The following ALK variants were observed in gnomAD, a reference collection of about 807,000 sequenced individuals.
The protein encoded by ALK is ALK tyrosine kinase receptor.
In ALK, 74 loss-of-function variants were observed where a neutral mutation model predicts 163.1. The observed-to-expected ratio is 0.45, with a 90% CI of 0.38 to 0.55. The LOEUF (loss-of-function observed/expected upper bound fraction) is 0.55, where lower values mean the gene tolerates loss of function less well. Ranked by LOEUF, ALK falls within the 20% of genes least tolerant of loss-of-function variation. The probability of loss-of-function intolerance (pLI) is 0.00; values close to 1 mark genes in which losing one functional copy is unlikely to be tolerated. For missense variants in ALK, 2,063 were observed against 2,105.3 expected (o/e 0.98, Z 0.39); for synonymous variants, 960 against 843.2 (o/e 1.14, Z -2.40).
chr2:29,250,223 G>A (rs1475204642), intron 12 of ALK, among the ~76,000 whole-genome samples: 2 of 152,218 alleles, frequency 1.3e-5, no homozygotes, highest in Non-Finnish European at 2.9e-5. Flanking sequence ...CCCTGCCCCA[G>A]AACTCTGGAG....
intron 1 of ALK, among the ~76,000 whole-genome samples, chr2:29,839,623 C>G (rs1306761024): frequency 6.6e-6 from 1 of 152,170 alleles, no homozygotes; most frequent in Non-Finnish European, 1.5e-5. Flanking sequence ...CAGCCCTTGG[C>G]ACATTCTCTC....
At chr2:29,524,827 A>G (rs373083682) in intron 4 of ALK, among the ~76,000 whole-genome samples, 2 of 150,756 alleles carry the variant, frequency 1.3e-5, no homozygotes, top group South Asian at 2.1e-4. Context: ...TGGATGGATG[A>G]ATGGATGGAT....
intron 4 of ALK, among the ~76,000 whole-genome samples, chr2:29,408,081 C>CT (rs760683752): frequency 0.015 from 2,121 of 140,828 alleles, 98 homozygotes; most frequent in African/African-American, 0.053. Flanking sequence ...AGGGAAAGTT[C>CT]TTTTTCTTTT....
intron 4 of ALK, among the ~76,000 whole-genome samples, chr2:29,392,740 T>C (rs1669205969): frequency 6.6e-6 from 1 of 152,188 alleles, no homozygotes; most frequent in Admixed American, 6.5e-5. Flanking sequence ...ACCACAGTTG[T>C]AAGAAAAACA....
intron 1 of ALK, among the ~76,000 whole-genome samples, chr2:29,904,519 A>G (rs1029112207): frequency 6.6e-6 from 1 of 152,192 alleles, no homozygotes; most frequent in Admixed American, 6.5e-5. Context: ...AACAACATCA[A>G]TAATAATAAA....
At chr2:29,736,533 T>C (rs940770109) in intron 1 of ALK, among the ~76,000 whole-genome samples, 1 of 152,036 alleles carries the variant, frequency 6.6e-6, no homozygotes, top group Non-Finnish European at 1.5e-5. Flanking sequence ...ACAAGTTTAA[T>C]AAAAATAATG....
chr2:29,468,503 C>G (rs1431239506), intron 4 of ALK, among the ~76,000 whole-genome samples: 1 of 152,074 alleles, frequency 6.6e-6, no homozygotes, highest in African/African-American at 2.4e-5. Flanking sequence ...ATAATAAGTT[C>G]ATGAACATAC....
At chr2:29,516,485 G>A (rs1573420428) in intron 4 of ALK, among the ~76,000 whole-genome samples, 1 of 152,154 alleles carries the variant, frequency 6.6e-6, no homozygotes, top group Non-Finnish European at 1.5e-5. Flanking sequence ...TCGGGGAGAT[G>A]GTCTCTTCTC....
chr2:29,784,713 A>AAACAACAACAACAAAAAC (rs1553361850), intron 1 of ALK, among the ~76,000 whole-genome samples: 2 of 150,740 alleles, frequency 1.3e-5, no homozygotes, highest in African/African-American at 4.9e-5. Flanking sequence ...ACAACAACAA[A>AAACAACAACAACAAAAAC]AACAACAACA....
At chr2:29,554,762 T>C (rs1673803173) in intron 3 of ALK, among the ~76,000 whole-genome samples, 1 of 152,172 alleles carries the variant, frequency 6.6e-6, no homozygotes, top group South Asian at 2.1e-4. Context: ...AGGCATTCTA[T>C]GCCACAGGAT....
intron 3 of ALK, among the ~76,000 whole-genome samples, chr2:29,648,065 T>C (rs1470984603): frequency 1.3e-5 from 2 of 152,162 alleles, no homozygotes; most frequent in African/African-American, 2.4e-5. Context: ...CTTTACCCAA[T>C]GTGTTCAACC....
At chr2:29,238,796 T>TG (rs1664446190) in intron 13 of ALK, among the ~76,000 whole-genome samples, 1 of 152,144 alleles carries the variant, frequency 6.6e-6, no homozygotes, top group African/African-American at 2.4e-5. Flanking sequence ...GTTTGAGAGC[T>TG]AGTAGATTGA....
chr2:29,827,437 T>G (rs901527313), intron 1 of ALK, among the ~76,000 whole-genome samples: 6 of 152,242 alleles, frequency 3.9e-5, no homozygotes, highest in African/African-American at 1.4e-4. Flanking sequence ...CTTCTCTGCT[T>G]CTGAGCTTCT....
chr2:29,825,735 G>A (rs551044144), intron 1 of ALK, among the ~76,000 whole-genome samples: 3 of 151,628 alleles, frequency 2.0e-5, no homozygotes, highest in Non-Finnish European at 2.9e-5. Context: ...AAATCGTTGT[G>A]TACCAAAGAT....
intron 5 of ALK, among the ~76,000 whole-genome samples, chr2:29,359,501 T>C (rs1668339070): frequency 6.6e-6 from 1 of 152,210 alleles, no homozygotes; most frequent in Non-Finnish European, 1.5e-5. Context: ...TTCTTAAGAC[T>C]GGGCCAAGTC....
At chr2:29,726,863 T>C (rs1463396590) in intron 1 of ALK, among the ~76,000 whole-genome samples, 6 of 152,180 alleles carry the variant, frequency 3.9e-5, no homozygotes, top group African/African-American at 1.4e-4. Context: ...AAAGCACAAA[T>C]GCCCAAGGTC....
chr2:29,750,763 GA>G (rs1244308749), intron 1 of ALK, among the ~76,000 whole-genome samples: 1 of 151,502 alleles, frequency 6.6e-6, no homozygotes, highest in Non-Finnish European at 1.5e-5. Flanking sequence ...GAGAGAAAGA[GA>G]AAGAAAGAGA....
At chr2:29,207,323 C>G (rs2148152410) in intron 25 of ALK, 51 bp from the exon 26 acceptor site, 2 of 1,403,472 alleles carry the variant, frequency 1.4e-6, no homozygotes, top group Non-Finnish European at 2.0e-6. Context: ...TGGCATTAAG[C>G]ATCTGCCCTG....
chr2:29,574,369 G>A (rs1315644331), intron 3 of ALK, among the ~76,000 whole-genome samples: 1 of 152,234 alleles, frequency 6.6e-6, no homozygotes, highest in Non-Finnish European at 1.5e-5. Context: ...ACATGAGGGG[G>A]TTAAGTATCA....
Sources: allele counts gnomAD v4.1 joint callset (sites outside exome capture counted in the v4.1 genomes callset), GRCh38; gene constraint gnomAD v4.1.1; transcripts MANE v1.5; gene names NCBI Gene and HGNC (gene_info 2026-07-23, HGNC 2026-07-21).